Variants in GABBR1 observed in about 807,000 individuals in gnomAD.
GABBR1 encodes the protein GABA-B receptor, R1 subunit.
Under a neutral mutation model 117.7 loss-of-function variants are expected in GABBR1, and 35 were observed. The ratio of observed to expected loss-of-function variants is 0.30; its 90% CI spans 0.23 to 0.39. The LOEUF (loss-of-function observed/expected upper bound fraction) is 0.39. GABBR1 is among the 10% of genes least tolerant of loss of function. The probability of loss-of-function intolerance (pLI) is 1.00; values close to 1 mark genes in which losing one functional copy is unlikely to be tolerated. For synonymous variants in GABBR1, 442 were observed against 486.6 expected (o/e 0.91, Z 1.21); for missense variants, 709 against 1,241.8 (o/e 0.57, Z 6.45).
rs1297232492 is a variant in GABBR1 at position 29,630,663 on chromosome 6, T to G, written c.290-20A>C. ...TTCGGACTGTGGAGAGATAGGAAAA[T>G]AAGAAGAGAGGCGAGTTGAAGAAGG... On this transcript the variant is annotated intron_variant, in intron 3 of 22. Coordinates refer to ENST00000377034, the MANE Select transcript of GABBR1 (RefSeq NM_001470.4). The surrounding 1 kb of genome is among the most constrained non-coding windows in gnomAD (Gnocchi z 4.9). The G allele has an allele frequency of 1.9e-6, 3 of 1,592,514 alleles. No homozygotes were observed. The South Asian group carries it at 3.3e-5, about 18-fold the overall frequency.
intron 11 of GABBR1, among the ~76,000 whole-genome samples, chr6:29,619,788 TATGG>T (rs1273113464): frequency 6.6e-6 from 1 of 152,246 alleles, no homozygotes; most frequent in African/African-American, 2.4e-5. Flanking sequence ...TCCCAGGTTT[TATGG>T]ATGACTCACC....
In GABBR1 at chr6:29,606,939, G is replaced by A. The variant is rs561726037; in HGVS notation, c.2175C>T (p.Leu725=). The part of the protein sequence containing the change: ...GLLVGMDVLT[L]AIWQIVDPLH... The stretch of plus-strand genomic sequence containing the variant: ...GAGGGTCCACGATCTGCCAGATGGC[G>A]AGAGTGAGGACATCCATGCCCACCA... Residue 725 remains leucine (L), a synonymous_variant, in exon 18 of 23, where the codon CTC becomes CTT. Transcript: ENST00000377034. The surrounding 1 kb of genome is among the most constrained non-coding windows in gnomAD (Gnocchi z 4.5). The A allele has an allele frequency of 6.9e-5, 111 of 1,614,212 alleles. 2 individuals are homozygous for A. In the South Asian group the frequency reaches 9.3e-4, roughly 14 times the overall value.
chr6:29,604,621 G>T lies in GABBR1; in HGVS notation c.2585C>A (p.Thr862Asn). The change falls in exon 22 of 23, where the codon ACC becomes AAC. Residue 862 changes from threonine (T) to asparagine (N), a missense_variant. Physicochemically the swap from Thr to Asn is moderately conservative, Grantham distance 65. This residue lies in a region of GABBR1 where 251 missense variants were observed against 445.3 expected (regional missense o/e 0.56). Transcript: ENST00000377034. The surrounding 1 kb of genome is among the most constrained non-coding windows in gnomAD (Gnocchi z 5.3). ...CGCCTCCGACTGCCATTCCCCTCGGGTGATCAGCCTGCGCATCTGGGGGCA... is the reference window on the plus strand; with the variant it reads ...CGCCTCCGACTGCCATTCCCCTCGGTTGATCAGCCTGCGCATCTGGGGGCA... ...LFVPKMRRLI[T>N]RGEWQSEAQD... 3.7e-6 allele frequency: 6 copies of T among 1,613,276 alleles called. No individual in the cohort carries two copies. The highest frequency in any genetic ancestry group is 5.1e-6 in the Non-Finnish European group (6 of 1,180,036).
At position 29,611,670 on chromosome 6, in the gene GABBR1, G is replaced by A. The variant is rs1762546885; in HGVS notation, c.1631-669C>T. Among the ~76,000 whole-genome samples, 1 of 152,182 alleles carries A rather than the reference G, an allele frequency of 6.6e-6. No individual in the cohort carries two copies. Among genetic ancestry groups the A allele is most frequent in the Non-Finnish European group, 1.5e-5 (1 of 68,026 alleles). On this transcript the variant is annotated intron_variant, in intron 13 of 22. Coordinates refer to ENST00000377034, the MANE Select transcript of GABBR1 (RefSeq NM_001470.4). This position sits in a 1 kb window ranked among gnomAD's most constrained non-coding sequence, Gnocchi z 4.6. ...AGGAAGAAAGAAACTTTTCACAGGAGGCCAAGAAATAGCTCTCTTGGCCAT... is the reference window on the plus strand; with the variant it reads ...AGGAAGAAAGAAACTTTTCACAGGAAGCCAAGAAATAGCTCTCTTGGCCAT...
chr6:29,626,013 T>C (rs1281935784), intron 6 of GABBR1, among the ~76,000 whole-genome samples: 2 of 152,152 alleles, frequency 1.3e-5, no homozygotes, highest in Admixed American at 1.3e-4. Flanking sequence ...TCCACCAAGA[T>C]AGGATGTCTA....
At chr6:29,618,304 A>G (rs925097900) in intron 11 of GABBR1, among the ~76,000 whole-genome samples, 1 of 152,154 alleles carries the variant, frequency 6.6e-6, no homozygotes, top group African/African-American at 2.4e-5. Context: ...TACCACTAAC[A>G]CGCCTAACCA....
chr6:29,604,864 G>A lies in GABBR1; in HGVS notation c.2564C>T (p.Pro855Leu). ...GGAGAAAAGCCAGATCCTTACCTTGGGCACAAAGAGCACAACAAGAGTGAT... is the reference window on the plus strand; with the variant it reads ...GGAGAAAAGCCAGATCCTTACCTTGAGCACAAAGAGCACAACAAGAGTGAT... The part of the protein sequence containing the change: ...SYITLVVLFV[P>L]KMRRLITRGE... The change falls in exon 21 of 23, where the codon CCC (proline) becomes CTC (leucine). Residue 855 changes from proline (P) to leucine (L), a missense_variant. Around this residue, in one of 9 missense-constraint regions of GABBR1, gnomAD observed 251 missense variants for 445.3 expected, o/e 0.56. Coordinates refer to ENST00000377034, the MANE Select transcript of GABBR1 (RefSeq NM_001470.4). This position sits in a 1 kb window ranked among gnomAD's most constrained non-coding sequence, Gnocchi z 5.3. 1 of 1,612,246 alleles carries A rather than the reference G, an allele frequency of 6.2e-7. No homozygotes were observed. The highest frequency in any genetic ancestry group is 8.5e-7 in the Non-Finnish European group (1 of 1,179,578).
At chr6:29,616,438 C>A (rs1763114121) in intron 11 of GABBR1, among the ~76,000 whole-genome samples, 1 of 151,448 alleles carries the variant, frequency 6.6e-6, no homozygotes, top group African/African-American at 2.4e-5. Context: ...GTAATCCCAG[C>A]ACTTCAGGAG....
In GABBR1 at chr6:29,632,551, T is replaced by TG. The variant is rs1765114451; in HGVS notation, c.1-167dup. 5.7e-6 allele frequency: 5 copies of TG among 874,756 alleles called. No homozygotes were observed. Among genetic ancestry groups the TG allele is most frequent in the South Asian group, 2.1e-5 (1 of 48,148 alleles). The allele number at this position is 874,756 out of a possible 1,614,324, so 54.2% of individuals were successfully genotyped here. A position where few individuals can be genotyped will look rare whatever the true frequency, so the allele number is the denominator to read the frequency against. On this transcript the variant is annotated intron_variant, in intron 1 of 22. Coordinates refer to ENST00000377034, the MANE Select transcript of GABBR1 (RefSeq NM_001470.4). The surrounding 1 kb of genome is among the most constrained non-coding windows in gnomAD (Gnocchi z 5.8). ...GGCGGGGGCGGAGCCCCGCGCGGGG[T>TG]GGGGGGAGAGGAGGAGAGAAAGCCT... is the stretch of plus-strand genomic sequence containing the variant.
At position 29,627,728 on chromosome 6, in the gene GABBR1, C is replaced by T. The variant is rs1764461339; in HGVS notation, c.497-82G>A. ...GAGGCCCACACCGGAGCCACCCCTGCCGCCATCACAACCAGAAGCGGCAGT... is the reference window on the plus strand; with the variant it reads ...GAGGCCCACACCGGAGCCACCCCTGTCGCCATCACAACCAGAAGCGGCAGT... On this transcript the variant is annotated intron_variant, in intron 5 of 22. Transcript: ENST00000377034. The surrounding 1 kb of genome is among the most constrained non-coding windows in gnomAD (Gnocchi z 4.4). 6.6e-7 allele frequency: 1 copy of T among 1,514,904 alleles called. No homozygotes were observed. The highest frequency in any genetic ancestry group is 1.2e-5 in the South Asian group (1 of 82,496). The allele number at this position is 1,514,904 out of a possible 1,614,324, so 93.8% of individuals were successfully genotyped here. A position where few individuals can be genotyped will look rare whatever the true frequency, so the allele number is the denominator to read the frequency against.
In GABBR1 at chr6:29,611,040, C is replaced by A; in HGVS notation, c.1631-39G>T. 6.6e-7 allele frequency: 1 copy of A among 1,525,148 alleles called. No homozygotes were observed. The highest frequency in any genetic ancestry group is 9.1e-7 in the Non-Finnish European group (1 of 1,100,182). 94.5% of individuals were successfully genotyped at this position (1,525,148 alleles called of 1,614,324 possible). ...AATAAAAGGAGTGACCACAGGTAGCCAAAGAGCTGATCCTAGGCATTTTCA... is the reference window on the plus strand; with the variant it reads ...AATAAAAGGAGTGACCACAGGTAGCAAAAGAGCTGATCCTAGGCATTTTCA... On this transcript the variant is annotated intron_variant, in intron 13 of 22. Coordinates refer to ENST00000377034, the MANE Select transcript of GABBR1 (RefSeq NM_001470.4). This position sits in a 1 kb window ranked among gnomAD's most constrained non-coding sequence, Gnocchi z 4.6.
At chr6:29,624,292 C>G (rs1055785017) in intron 6 of GABBR1, 2 of 325,254 alleles carry the variant, frequency 6.1e-6, no homozygotes, top group East Asian at 1.1e-4. Context: ...GAACATACCA[C>G]CTTACCTCCT....
chr6:29,618,183 T>A (rs2127423264), intron 11 of GABBR1, among the ~76,000 whole-genome samples: 1 of 152,228 alleles, frequency 6.6e-6, no homozygotes, highest in East Asian at 1.9e-4. Context: ...AATCTTCAGT[T>A]CAAGGTAAAT....
At position 29,609,097 on chromosome 6, in the gene GABBR1, TC is replaced by T; in HGVS notation, c.1859+131del. The T allele has an allele frequency of 3.4e-6, 3 of 887,046 alleles. No homozygotes were observed. Among genetic ancestry groups the T allele is most frequent in the Non-Finnish European group, 5.1e-6 (3 of 585,164 alleles). 54.9% of individuals were successfully genotyped at this position (887,046 alleles called of 1,614,324 possible). A position where few individuals can be genotyped will look rare whatever the true frequency, so the allele number is the denominator to read the frequency against. On this transcript the variant is annotated intron_variant, in intron 15 of 22. Coordinates refer to ENST00000377034, the MANE Select transcript of GABBR1 (RefSeq NM_001470.4). This position sits in a 1 kb window ranked among gnomAD's most constrained non-coding sequence, Gnocchi z 4.3. ...ATATCTGGTTTCCCTGTTTTCATTC[TC>T]AACAAGTCAGAATGAAAAACTCCAT...
rs1417027375 is a variant in GABBR1, at chr6:29,613,050, G to A, written c.1566+193C>T. ...ATGAGGGGAGGGGTTTAAAAAAATGGAATACATCATTTTTTTTCCTCTAGT... is the reference window on the plus strand; with the variant it reads ...ATGAGGGGAGGGGTTTAAAAAAATGAAATACATCATTTTTTTTCCTCTAGT... On this transcript the variant is annotated intron_variant, in intron 12 of 22. Coordinates refer to ENST00000377034, the MANE Select transcript of GABBR1 (RefSeq NM_001470.4). The surrounding 1 kb of genome is among the most constrained non-coding windows in gnomAD (Gnocchi z 4.1). Among the ~76,000 whole-genome samples, 1 of 152,178 alleles carries A rather than the reference G, an allele frequency of 6.6e-6. No homozygotes were observed. The highest frequency in any genetic ancestry group is 2.4e-5 in the African/African-American group (1 of 41,446).
rs1763782180 is a variant in GABBR1 at position 29,621,841 on chromosome 6, C to T, written c.1066-24G>A. On this transcript the variant is annotated intron_variant, in intron 9 of 22. Coordinates refer to ENST00000377034, the MANE Select transcript of GABBR1 (RefSeq NM_001470.4). The surrounding 1 kb of genome is among the most constrained non-coding windows in gnomAD (Gnocchi z 5.0). ...CGCTACAACAGAGAAAGAAACAGCT[C>T]CTGAGGGATGCCCGGGAATGCCTGA... 2 of 1,613,276 alleles carry T rather than the reference C, an allele frequency of 1.2e-6. No homozygotes were observed. The highest frequency in any genetic ancestry group is 2.2e-5 in the East Asian group (1 of 44,874).
Position 29,632,277 on chromosome 6 carries a change from G to T in GABBR1, c.85+24C>A. The T allele has an allele frequency of 7.5e-7, 1 of 1,340,900 alleles. No individual in the cohort carries two copies. The highest frequency in any genetic ancestry group is 9.7e-7 in the Non-Finnish European group (1 of 1,026,092). 83.1% of individuals were successfully genotyped at this position (1,340,900 alleles called of 1,614,324 possible). A position where few individuals can be genotyped will look rare whatever the true frequency, so the allele number is the denominator to read the frequency against. ...AAGGGAAGTGGAGCGAAGGAGGGCC[G>T]GAGGTCGTCGAAGAAGGATGCACCT... On this transcript the variant is annotated intron_variant, in intron 2 of 22. Transcript: ENST00000377034. The surrounding 1 kb of genome is among the most constrained non-coding windows in gnomAD (Gnocchi z 5.8).
chr6:29,617,545 C>T lies in GABBR1; in HGVS notation c.1323+3556G>A, dbSNP rs367855150. 5.3e-5 allele frequency among the ~76,000 whole-genome samples: 8 copies of T among 152,254 alleles called. No individual in the cohort carries two copies. In the East Asian group the frequency reaches 1.4e-3, roughly 26 times the overall value. ...TTGAACTCCTGGCCTTGTGATCCAC[C>T]TGCCTCAGCCTCCCAAAGTGCTGGG... is the stretch of plus-strand genomic sequence containing the variant. On this transcript the variant is annotated intron_variant, in intron 11 of 22. Coordinates refer to ENST00000377034, the MANE Select transcript of GABBR1 (RefSeq NM_001470.4).
chr6:29,621,648 G>A lies in GABBR1; in HGVS notation c.1131+104C>T. 1.0e-6 allele frequency: 1 copy of A among 992,210 alleles called. No individual in the cohort carries two copies. The highest frequency in any genetic ancestry group is 1.6e-6 in the Non-Finnish European group (1 of 620,354). 61.5% of individuals were successfully genotyped at this position (992,210 alleles called of 1,614,324 possible). ...AGACATCCTATGAATCGTCACCTCA[G>A]ATCATATGCTATCAACTCAGGCACA... On this transcript the variant is annotated intron_variant, in intron 10 of 22. Transcript: ENST00000377034. The surrounding 1 kb of genome is among the most constrained non-coding windows in gnomAD (Gnocchi z 5.0).
Sources: gnomAD v4.1 joint callset for allele counts (sites outside exome capture counted in the v4.1 genomes callset) on GRCh38, gnomAD v4.1.1 for gene constraint, gnomAD v4.1.1 regional missense constraint, Gnocchi (gnomAD v3.1) non-coding constraint, MANE v1.5 for transcripts, NCBI Gene and HGNC (gene_info 2026-07-23, HGNC 2026-07-21) for gene names.